PSMA6: variants seen among roughly 807,000 people sequenced by gnomAD.
The protein encoded by PSMA6 is proteasome 20S subunit alpha 6.
For missense variants in PSMA6, 170 were observed against 294.8 expected (o/e 0.58, Z 3.10); for synonymous variants, 88 against 97.7 (o/e 0.90, Z 0.59).
intron 1 of PSMA6, chr14:35,293,277 G>A (rs2138715008): frequency 6.3e-6 from 2 of 317,462 alleles, no homozygotes; most frequent in South Asian, 5.1e-5. Flanking sequence ...TTGTAGATGA[G>A]GTACTGTGTA....
upstream of PSMA6, among the ~76,000 whole-genome samples, chr14:35,291,863 G>GTTTT (rs2138712018): frequency 6.6e-6 from 1 of 151,650 alleles, no homozygotes; most frequent in Admixed American, 6.6e-5. Context: ...AAAATTGTCG[G>GTTTT]GGCTGCTGGC....
At chr14:35,280,165 C>T (rs1184522259) in intron 1 of PSMA6, among the ~76,000 whole-genome samples, 3 of 150,876 alleles carry the variant, frequency 2.0e-5, no homozygotes, top group African/African-American at 4.9e-5. Context: ...TTCGGCCTGG[C>T]GCAATGGCTC....
intron 1 of PSMA6, among the ~76,000 whole-genome samples, chr14:35,294,296 G>T (rs530237211): frequency 7.2e-5 from 11 of 152,318 alleles, no homozygotes; most frequent in Non-Finnish European, 1.0e-4. Context: ...CTCCCAAAGT[G>T]CTGGGATTAC....
intron 3 of PSMA6, chr14:35,310,205 T>G (rs891712897): frequency 4.8e-6 from 2 of 420,870 alleles, no homozygotes; most frequent in African/African-American, 4.2e-5. Context: ...TTTTTTTTTT[T>G]TGGAGACAGA....
Position 35,315,983 on chromosome 14 carries a change from A to C in PSMA6, c.684-1266A>C, listed in dbSNP as rs143369967. ...CTTGATATTGCCTTCAGTTGCACTAAAAAATGTCCTTTTGACAAATTTCAC... is the reference window on the plus strand; with the variant it reads ...CTTGATATTGCCTTCAGTTGCACTACAAAATGTCCTTTTGACAAATTTCAC... On this transcript the variant is annotated intron_variant, in intron 6 of 6. Transcript: ENST00000261479. 2.2e-3 allele frequency: 335 copies of C among 152,352 alleles called. 2 individuals are homozygous for C. The highest frequency in any genetic ancestry group is 7.7e-3 in the African/African-American group (319 of 41,586). The allele number at this position is 152,352 out of a possible 1,614,324, so 9.4% of individuals were successfully genotyped here.
intron 1 of PSMA6, among the ~76,000 whole-genome samples, chr14:35,282,434 T>A (rs1037306454): frequency 1.6e-5 from 2 of 123,546 alleles, no homozygotes; most frequent in African/African-American, 1.1e-4. Flanking sequence ...AAAAAAAAAT[T>A]TTTTTTTTTA....
chr14:35,296,421 T>C (rs568092921), intron 1 of PSMA6, among the ~76,000 whole-genome samples: 1 of 152,032 alleles, frequency 6.6e-6, no homozygotes, highest in African/African-American at 2.4e-5. Flanking sequence ...ACCTCTGCCT[T>C]CTGGGTTCAA....
chr14:35,285,339 C>CAAAAAAAAAAAAAA (rs758651038), intron 1 of PSMA6, among the ~76,000 whole-genome samples: 26 of 54,546 alleles, frequency 4.8e-4, no homozygotes, highest in African/African-American at 1.2e-3. Context: ...AACTCTATCT[C>CAAAAAAAAAAAAAA]AAAAAAAACA....
At chr14:35,283,219 A>T (rs1182241770) in intron 1 of PSMA6, among the ~76,000 whole-genome samples, 1 of 152,058 alleles carries the variant, frequency 6.6e-6, no homozygotes, top group South Asian at 2.1e-4. Context: ...CCCATTTTTT[A>T]AATGAAGGAA....
chr14:35,301,720 T>C (rs1210622296), intron 1 of PSMA6, among the ~76,000 whole-genome samples: 3 of 152,212 alleles, frequency 2.0e-5, no homozygotes. Flanking sequence ...CATTCTCTGT[T>C]GAGAAGCATT....
intron 2 of PSMA6, chr14:35,308,689 C>T: frequency 2.3e-6 from 1 of 431,392 alleles, no homozygotes; most frequent in Non-Finnish European, 4.1e-6. Context: ...ATTGCTTGTC[C>T]ACAGGAAAAG....
At chr14:35,306,152 C>T (rs1281979729) in intron 1 of PSMA6, among the ~76,000 whole-genome samples, 1 of 151,646 alleles carries the variant, frequency 6.6e-6, no homozygotes, top group Non-Finnish European at 1.5e-5. Flanking sequence ...TCACTTGGGC[C>T]CGGGAGGTCG....
In PSMA6 at chr14:35,278,733, C is replaced by T. The variant is rs144983595; in HGVS notation, c.19+15C>T. 14 of 1,534,052 alleles carry T rather than the reference C, an allele frequency of 9.1e-6. No homozygotes were observed. The African/African-American group carries it at 1.6e-4, about 18-fold the overall frequency. On this transcript the variant is annotated intron_variant, in intron 1 of 6. Transcript: ENST00000540871. ...TCTTCGGAGAGGTAAGTCCCTCACTCAGACTTGTTGCTTGAGATGTACTAT... is the reference window on the plus strand; with the variant it reads ...TCTTCGGAGAGGTAAGTCCCTCACTTAGACTTGTTGCTTGAGATGTACTAT...
upstream of PSMA6, among the ~76,000 whole-genome samples, chr14:35,291,509 C>G (rs992259724): frequency 1.3e-5 from 2 of 151,870 alleles, no homozygotes; most frequent in Non-Finnish European, 2.9e-5. Flanking sequence ...CGTGAGCCAC[C>G]GCGCCCGGCC....
chr14:35,283,377 A>AAG (rs1167918396), intron 1 of PSMA6, among the ~76,000 whole-genome samples: 1 of 151,426 alleles, frequency 6.6e-6, no homozygotes, highest in Non-Finnish European at 1.5e-5. Context: ...AAAAAAAAAA[A>AAG]AGAGAGAGAA....
At position 35,310,368 on chromosome 14, in the gene PSMA6, C is replaced by G. The variant is rs149161856; in HGVS notation, c.254-372C>G. 365 of 344,532 alleles carry G rather than the reference C, an allele frequency of 1.1e-3. 2 individuals carry two copies. Among genetic ancestry groups the G allele is most frequent in the African/African-American group, 7.5e-3 (342 of 45,392 alleles). The allele number at this position is 344,532 out of a possible 1,614,324, so 21.3% of individuals were successfully genotyped here. ...ACAGGATTTAGCCATGTTGGCCAGG[C>G]TGGTCTCAAACTCCTGGCCTCAAGT... On this transcript the variant is annotated intron_variant, in intron 3 of 6. Transcript: ENST00000261479.
At chr14:35,299,954 T>G (rs910696186) in intron 1 of PSMA6, among the ~76,000 whole-genome samples, 2 of 152,136 alleles carry the variant, frequency 1.3e-5, no homozygotes, top group South Asian at 4.1e-4. Context: ...TTGGCCCAGA[T>G]GAAGATTAAA....
At chr14:35,307,376 C>CA (rs1206418705) in intron 1 of PSMA6, among the ~76,000 whole-genome samples, 5 of 152,008 alleles carry the variant, frequency 3.3e-5, no homozygotes, top group Non-Finnish European at 5.9e-5. Context: ...ATAATGGCCA[C>CA]AAAAAACCTT....
chr14:35,289,915 C>CAAAAAAAAA (rs750610944), upstream of PSMA6, among the ~76,000 whole-genome samples: 4 of 79,652 alleles, frequency 5.0e-5, no homozygotes, highest in South Asian at 5.6e-4. Context: ...TACCGCATTT[C>CAAAAAAAAA]AAAAAAAAAA....
Sources: allele counts gnomAD v4.1 joint callset (sites outside exome capture counted in the v4.1 genomes callset), GRCh38; gene constraint gnomAD v4.1.1; transcripts MANE v1.5; gene names NCBI Gene and HGNC (gene_info 2026-07-23, HGNC 2026-07-21).